NME7: variants seen among roughly 807,000 people sequenced by gnomAD.
The protein encoded by NME7 is NME/NM23 family member 7, also known as nucleoside diphosphate kinase 7.
A neutral mutation model predicts 49.1 loss-of-function variants in NME7; 41 were observed. That is an observed-to-expected ratio of 0.83 (90% CI 0.65 to 1.08). NME7 has a LOEUF of 1.08. NME7 is among the 50% of genes least tolerant of loss of function. The probability of loss-of-function intolerance (pLI) is 0.00; values close to 1 mark genes in which losing one functional copy is unlikely to be tolerated. For synonymous variants in NME7, 139 were observed against 150.6 expected, an observed-to-expected ratio of 0.92 and a Z score of 0.56; for missense variants, 423 against 463.4, an observed-to-expected ratio of 0.91 and a Z score of 0.80.
intron 10 of NME7, among the ~76,000 whole-genome samples, chr1:169,198,233 A>T (rs1399664589): frequency 6.6e-6 from 1 of 152,100 alleles, no homozygotes; most frequent in East Asian, 1.9e-4. Context: ...GAGAAGTGAG[A>T]ACCCTCAAAT....
intron 10 of NME7, among the ~76,000 whole-genome samples, chr1:169,210,591 TACACAC>T (rs112929835): frequency 9.6e-4 from 145 of 150,968 alleles, no homozygotes; most frequent in Middle Eastern, 3.4e-3. Flanking sequence ...AATATTTAAA[TACACAC>T]ACACACACAC....
At position 169,187,799 on chromosome 1, in the gene NME7, C is replaced by G. The variant is rs115238950; in HGVS notation, c.991-18245G>C. On this transcript the variant is annotated intron_variant, in intron 10 of 11. Transcript: ENST00000367811. ...TGAATTTGATCCTGTCATTAGCTAG[C>G]TGGGGTTTTTACCCGTTAGTTGATG... 2.0e-3 allele frequency among the ~76,000 whole-genome samples: 304 copies of G among 152,194 alleles called. 4 individuals are homozygous for G. Among genetic ancestry groups the G allele is most frequent in the African/African-American group, 7.1e-3 (295 of 41,566 alleles).
intron 7 of NME7, among the ~76,000 whole-genome samples, chr1:169,265,818 T>C (rs1272824742): frequency 7.7e-6 from 1 of 129,914 alleles, no homozygotes; most frequent in African/African-American, 2.6e-5. Context: ...CAAAGAACCA[T>C]CAGAGACTAC....
chr1:169,189,269 G>A (rs1038853959), intron 10 of NME7, among the ~76,000 whole-genome samples: 9 of 152,050 alleles, frequency 5.9e-5, no homozygotes, highest in African/African-American at 1.7e-4. Context: ...AACTATTATA[G>A]TGTTAGGTAA....
chr1:169,278,525 C>T (rs201731266), intron 7 of NME7, among the ~76,000 whole-genome samples: 10,343 of 151,790 alleles, frequency 0.068, 1,423 homozygotes, highest in East Asian at 0.66. Context: ...CGAGCTTTGG[C>T]TTTCAGCTCC....
chr1:169,319,554 T>A lies in NME7; in HGVS notation c.278+3563A>T, dbSNP rs111405403. 3.4e-3 allele frequency among the ~76,000 whole-genome samples: 520 copies of A among 152,288 alleles called. 4 individuals are homozygous for A. Among genetic ancestry groups the A allele is most frequent in the African/African-American group, 0.012 (497 of 41,572 alleles). Reference sequence around the variant, plus strand: ...TCATCTAAAATACGGCTTGTTTTTTTATCCATATACCATTTCAGTACATCT... The same window carrying A: ...TCATCTAAAATACGGCTTGTTTTTTAATCCATATACCATTTCAGTACATCT... On this transcript the variant is annotated intron_variant, in intron 3 of 11. Transcript: ENST00000367811.
At chr1:169,219,011 C>T (rs1327799420) in intron 10 of NME7, among the ~76,000 whole-genome samples, 3 of 152,242 alleles carry the variant, frequency 2.0e-5, no homozygotes, top group African/African-American at 7.2e-5. Flanking sequence ...ATGGGAGGAG[C>T]TTTAATTTCC....
chr1:169,294,171 C>T (rs565166536), intron 6 of NME7, among the ~76,000 whole-genome samples: 1 of 152,200 alleles, frequency 6.6e-6, no homozygotes, highest in Non-Finnish European at 1.5e-5. Flanking sequence ...ATTTAATCCT[C>T]AAAGACCTCT....
Position 169,298,654 on chromosome 1 carries a change from C to T in NME7, c.550G>A (p.Ala184Thr). The change falls in exon 6 of 12, where the codon GCA (alanine) becomes ACA (threonine). Residue 184 changes from alanine (A) to threonine (T), a missense_variant. Physicochemically the swap from Ala to Thr is moderately conservative, Grantham distance 58. Transcript: ENST00000367811. The part of the protein sequence containing the change: ...RLLGPANSGV[A>T]RTDASESIRA... ...ATGCTTTCAGAAGCATCTGTGCGTGCCACTCCAGAGTTTGCAGGTCCCAGC... is the reference window on the plus strand; with the variant it reads ...ATGCTTTCAGAAGCATCTGTGCGTGTCACTCCAGAGTTTGCAGGTCCCAGC... 2 of 1,613,974 alleles carry T rather than the reference C, an allele frequency of 1.2e-6. No individual in the cohort carries two copies. Among genetic ancestry groups the T allele is most frequent in the Non-Finnish European group, 1.7e-6 (2 of 1,179,932 alleles).
Position 169,258,340 on chromosome 1 carries a change from T to C in NME7, c.755-20653A>G, listed in dbSNP as rs560191857. On this transcript the variant is annotated intron_variant, in intron 7 of 11. Transcript: ENST00000367811. Reference sequence around the variant, plus strand: ...TCAGCCTGGATGACAGAGTAAGACCTTGTCTCAAAAAAAATAAAATAAAAT... The same window carrying C: ...TCAGCCTGGATGACAGAGTAAGACCCTGTCTCAAAAAAAATAAAATAAAAT... Among the ~76,000 whole-genome samples the C allele has an allele frequency of 5.4e-5, 6 of 111,834 alleles. No homozygotes were observed. In the Admixed American group the frequency reaches 5.5e-4, roughly 10 times the overall value. 73.4% of individuals were successfully genotyped at this position (111,834 alleles called of 152,430 possible).
At chr1:169,340,907 TCA>T (rs138370338) in intron 1 of NME7, among the ~76,000 whole-genome samples, 8,791 of 152,274 alleles carry the variant, frequency 0.058, 327 homozygotes, top group East Asian at 0.12. Context: ...TCAGATGTAT[TCA>T]CAGAGATGGT....
intron 6 of NME7, among the ~76,000 whole-genome samples, chr1:169,293,749 C>T (rs1650603033): frequency 6.6e-6 from 1 of 152,038 alleles, no homozygotes; most frequent in African/African-American, 2.4e-5. Flanking sequence ...AATGAAATTA[C>T]CCAATTTATA....
chr1:169,263,231 C>T lies in NME7; in HGVS notation c.754+24072G>A, dbSNP rs534891291. On this transcript the variant is annotated intron_variant, in intron 7 of 11. Coordinates refer to ENST00000367811, the MANE Select transcript of NME7 (RefSeq NM_013330.5). ...CTTCCAAACAACCACACTAGTTCTC[C>T]AGTTAAGGGTTATTAACTGGGTTGA... 1.2e-3 allele frequency among the ~76,000 whole-genome samples: 159 copies of T among 133,892 alleles called. 21 individuals are homozygous for T. Among genetic ancestry groups the T allele is most frequent in the African/African-American group, 3.7e-3 (148 of 39,582 alleles). 87.8% of individuals were successfully genotyped at this position (133,892 alleles called of 152,430 possible).
intron 1 of NME7, among the ~76,000 whole-genome samples, chr1:169,339,910 G>T (rs974861127): frequency 6.6e-6 from 1 of 152,160 alleles, no homozygotes; most frequent in Non-Finnish European, 1.5e-5. Context: ...TTTCTCCTCT[G>T]CAATGAAGAC....
chr1:169,185,310 A>G lies in NME7; in HGVS notation c.991-15756T>C, dbSNP rs1355319492. Among the ~76,000 whole-genome samples, 5 of 152,294 alleles carry G rather than the reference A, an allele frequency of 3.3e-5. No homozygotes were observed. The South Asian group carries it at 8.3e-4, about 25-fold the overall frequency. ...TCATCATTCCTTCATACACTTCTACATGATTTATGCTTTAGAAAATATTTA... is the reference window on the plus strand; with the variant it reads ...TCATCATTCCTTCATACACTTCTACGTGATTTATGCTTTAGAAAATATTTA... On this transcript the variant is annotated intron_variant, in intron 10 of 11. Coordinates refer to ENST00000367811, the MANE Select transcript of NME7 (RefSeq NM_013330.5).
At chr1:169,332,075 C>A (rs185896617) in intron 1 of NME7, among the ~76,000 whole-genome samples, 19 of 152,158 alleles carry the variant, frequency 1.2e-4, no homozygotes, top group Admixed American at 1.2e-3. Flanking sequence ...AATTATACTA[C>A]AGAGCTATAG....
At chr1:169,346,564 TATCAGTACCCCCAAC>T (rs1652957539) in intron 1 of NME7, among the ~76,000 whole-genome samples, 1 of 152,224 alleles carries the variant, frequency 6.6e-6, no homozygotes, top group Non-Finnish European at 1.5e-5. Context: ...TCAACACCAC[TATCAGTACCCCCAAC>T]ATTCATTACC....
In NME7 at chr1:169,297,279, A is replaced by G. The variant is rs116404446; in HGVS notation, c.648+1277T>C. 4.4e-3 allele frequency among the ~76,000 whole-genome samples: 670 copies of G among 152,222 alleles called. 4 individuals carry two copies. Among genetic ancestry groups the G allele is most frequent in the African/African-American group, 0.016 (649 of 41,546 alleles). On this transcript the variant is annotated intron_variant, in intron 6 of 11. Coordinates refer to ENST00000367811, the MANE Select transcript of NME7 (RefSeq NM_013330.5). ...GTGAGCCACCACTCCCAGCCTCTAT[A>G]GTCATTCTTAATGCAACAGCCAGAA...
chr1:169,299,529 C>T (rs867481576), intron 5 of NME7, among the ~76,000 whole-genome samples: 2 of 152,068 alleles, frequency 1.3e-5, no homozygotes, highest in Non-Finnish European at 2.9e-5. Flanking sequence ...AGCAGGGACA[C>T]AGTACTTTTT....
Sources: allele counts gnomAD v4.1 joint callset (sites outside exome capture counted in the v4.1 genomes callset), GRCh38; gene constraint gnomAD v4.1.1; transcripts MANE v1.5; gene names NCBI Gene and HGNC (gene_info 2026-07-23, HGNC 2026-07-21).